Variants in DOCK8 observed in about 807,000 individuals in gnomAD.
DOCK8 encodes the protein dedicator of cytokinesis 8.
Under a neutral mutation model 245.6 loss-of-function variants are expected in DOCK8, and 141 were observed. The observed-to-expected ratio is 0.57, with a 90% CI of 0.50 to 0.66. DOCK8 has a LOEUF of 0.66. Ranked by LOEUF, DOCK8 falls within the 30% of genes least tolerant of loss-of-function variation. The pLI is 0.00. For missense variants in DOCK8, 2,965 were observed against 2,603.4 expected, an observed-to-expected ratio of 1.14 and a Z score of -3.02; for synonymous variants, 1,168 against 970.2, an observed-to-expected ratio of 1.20 and a Z score of -3.79.
chr9:435,580 A>C (rs1034761605), intron 39 of DOCK8, among the ~76,000 whole-genome samples: 3 of 152,094 alleles, frequency 2.0e-5, no homozygotes, highest in Non-Finnish European at 4.4e-5. Context: ...ATTTGATTCC[A>C]CTCTTCAACT....
rs538517429 is a variant in DOCK8 at position 362,214 on chromosome 9, A to G, written c.1680-5804A>G. 4.6e-5 allele frequency among the ~76,000 whole-genome samples: 7 copies of G among 152,330 alleles called. No homozygotes were observed. In the South Asian group the frequency reaches 1.0e-3, roughly 23 times the overall value. Reference sequence around the variant, plus strand: ...TACTCAAAACATGGTTTAGCTTACCAGTACCAGGAATGGCCGATGCATACG... The same window carrying G: ...TACTCAAAACATGGTTTAGCTTACCGGTACCAGGAATGGCCGATGCATACG... On this transcript the variant is annotated intron_variant, in intron 14 of 47. Coordinates refer to ENST00000432829, the MANE Select transcript of DOCK8 (RefSeq NM_203447.4).
At chr9:449,974 G>T in intron 45 of DOCK8, 47 bp downstream of exon 45, 1 of 1,607,458 alleles carries the variant, frequency 6.2e-7, no homozygotes, top group Non-Finnish European at 8.5e-7. Context: ...TATTATTTAG[G>T]TTGTCATTAT....
intron 2 of DOCK8, among the ~76,000 whole-genome samples, chr9:278,018 G>T (rs12347003): frequency 0.14 from 21,102 of 152,208 alleles, 3,081 homozygotes; most frequent in African/African-American, 0.37. Flanking sequence ...TCTTTCAAGG[G>T]GTTGGGCTAT....
At chr9:379,964 G>T in intron 21 of DOCK8, 29 bp downstream of exon 21, 1 of 1,608,586 alleles carries the variant, frequency 6.2e-7, no homozygotes, top group Non-Finnish European at 8.5e-7. Context: ...TGGGACTCTG[G>T]TGGGCGGGGC....
At chr9:213,455 C>T (rs559098585), upstream of DOCK8, 1 of 152,130 alleles carries the variant, frequency 6.6e-6, no homozygotes, top group African/African-American at 2.4e-5. Context: ...ATGCAAACCA[C>T]ATTTTTAAAA....
At chr9:289,651 T>A in intron 4 of DOCK8, 70 bp downstream of exon 4, 3 of 1,373,924 alleles carry the variant, frequency 2.2e-6, no homozygotes, top group Non-Finnish European at 2.0e-6. Flanking sequence ...AAATATTTCT[T>A]AATACTTTGA....
intron 42 of DOCK8, among the ~76,000 whole-genome samples, chr9:442,871 C>T (rs368244366): frequency 6.0e-5 from 9 of 151,252 alleles, no homozygotes; most frequent in East Asian, 1.9e-4. Context: ...CTAATGGCTT[C>T]GTACACTCTC....
chr9:245,198 T>C (rs1440201395), intron 1 of DOCK8, among the ~76,000 whole-genome samples: 2 of 152,076 alleles, frequency 1.3e-5, no homozygotes, highest in Non-Finnish European at 2.9e-5. Flanking sequence ...TTTCTTTTAT[T>C]TATTTATTCA....
chr9:442,424 A>G (rs1370646774), intron 42 of DOCK8, among the ~76,000 whole-genome samples: 2 of 152,114 alleles, frequency 1.3e-5, no homozygotes, highest in African/African-American at 4.8e-5. Flanking sequence ...TGACTGAATC[A>G]CCCCTAGATA....
At chr9:270,981 G>C (rs144497843) in intron 1 of DOCK8, among the ~76,000 whole-genome samples, 31 of 152,332 alleles carry the variant, frequency 2.0e-4, no homozygotes, top group Middle Eastern at 3.4e-3. Flanking sequence ...ATGCCAGCAG[G>C]TGTGAGTAGA....
intron 1 of DOCK8, among the ~76,000 whole-genome samples, chr9:235,376 C>A (rs989439126): frequency 6.6e-6 from 1 of 152,214 alleles, no homozygotes. Context: ...TCTGCCCGTT[C>A]TCAGATCTGA....
intron 28 of DOCK8, among the ~76,000 whole-genome samples, chr9:411,691 A>G (rs889163775): frequency 1.3e-5 from 2 of 152,188 alleles, no homozygotes; most frequent in African/African-American, 4.8e-5. Flanking sequence ...AAGACCCTCA[A>G]CAAACACTAG....
At chr9:216,974 T>C (rs1277297328) in intron 1 of DOCK8, among the ~76,000 whole-genome samples, 1 of 152,200 alleles carries the variant, frequency 6.6e-6, no homozygotes, top group African/African-American at 2.4e-5. Context: ...TTAACTTCTC[T>C]AAGCTTTGGT....
chr9:404,251 C>T (rs1414836020), intron 26 of DOCK8, among the ~76,000 whole-genome samples: 1 of 151,646 alleles, frequency 6.6e-6, no homozygotes, highest in Admixed American at 6.6e-5. Flanking sequence ...AGACAGTCAC[C>T]TTTTTCTGCT....
At chr9:364,982 G>A (rs2052912212) in intron 14 of DOCK8, among the ~76,000 whole-genome samples, 1 of 152,266 alleles carries the variant, frequency 6.6e-6, no homozygotes, top group African/African-American at 2.4e-5. Context: ...AGTGAATGGG[G>A]AAGCCCTCTG....
chr9:345,063 G>A (rs2051812063), intron 14 of DOCK8, among the ~76,000 whole-genome samples: 1 of 151,652 alleles, frequency 6.6e-6, no homozygotes. Context: ...TCAAAAAAAA[G>A]GTATTATCTT....
At chr9:286,336 G>A (rs2048822193) in intron 2 of DOCK8, 125 bp from the exon 3 acceptor site, 2 of 1,107,264 alleles carry the variant, frequency 1.8e-6, no homozygotes, top group South Asian at 1.5e-5. Context: ...GAGTCGCTCC[G>A]TTTTATGCCA....
intron 46 of DOCK8, among the ~76,000 whole-genome samples, chr9:462,341 G>C (rs898089690): frequency 6.6e-6 from 1 of 152,200 alleles, no homozygotes; most frequent in Non-Finnish European, 1.5e-5. Flanking sequence ...ACTATGTGTG[G>C]TGCAAGCCTA....
At chr9:249,166 A>G (rs1383508458) in intron 1 of DOCK8, among the ~76,000 whole-genome samples, 1 of 152,200 alleles carries the variant, frequency 6.6e-6, no homozygotes, top group Non-Finnish European at 1.5e-5. Context: ...AGTGCCAACA[A>G]ATGGCAAACT....
Sources: allele counts gnomAD v4.1 joint callset (sites outside exome capture counted in the v4.1 genomes callset), GRCh38; gene constraint gnomAD v4.1.1; transcripts MANE v1.5; gene names NCBI Gene and HGNC (gene_info 2026-07-23, HGNC 2026-07-21).